CCDC126: variants seen among roughly 807,000 people sequenced by gnomAD.
CCDC126 encodes coiled-coil domain containing 126.
In CCDC126, 5 loss-of-function variants were observed where a neutral mutation model predicts 11.7. The ratio of observed to expected loss-of-function variants is 0.43; its 90% confidence interval spans 0.22 to 0.90. The LOEUF (loss-of-function observed/expected upper bound fraction) is 0.90. Ranked by LOEUF, CCDC126 falls within the 40% of genes least tolerant of loss-of-function variation. The probability of loss-of-function intolerance (pLI) is 0.27; values close to 1 mark genes in which losing one functional copy is unlikely to be tolerated. For synonymous variants in CCDC126, 60 were observed against 61.9 expected (o/e 0.97, Z 0.14); for missense variants, 150 against 163.1 (o/e 0.92, Z 0.44).
intron 2 of CCDC126, among the ~76,000 whole-genome samples, chr7:23,601,137 G>A (rs568029314): frequency 8.8e-4 from 134 of 152,052 alleles, no homozygotes; most frequent in African/African-American, 3.1e-3. Context: ...TAATCCCAGC[G>A]CTTTGGGAAG....
chr7:23,619,627 A>T (rs957549962), intron 3 of CCDC126: 1 of 194,832 alleles, frequency 5.1e-6, no homozygotes, highest in East Asian at 1.5e-4. Context: ...ACACGTGCAC[A>T]ATGTGCAGGT....
chr7:23,602,101 A>T (rs1395636775), intron 2 of CCDC126: 4 of 152,208 alleles, frequency 2.6e-5, no homozygotes, highest in East Asian at 3.8e-4. Context: ...TTACATATAC[A>T]TAGTGTGCTG....
intron 3 of CCDC126, among the ~76,000 whole-genome samples, chr7:23,638,230 T>G (rs891341096): frequency 1.1e-3 from 172 of 151,908 alleles, no homozygotes; most frequent in Admixed American, 3.7e-3. Context: ...AGCGACTCAT[T>G]GGGGATGGGC....
intron 2 of CCDC126, among the ~76,000 whole-genome samples, chr7:23,601,241 T>C (rs1782537540): frequency 6.6e-6 from 1 of 151,964 alleles, no homozygotes; most frequent in Non-Finnish European, 1.5e-5. Context: ...ATTTGTCAAG[T>C]GTAGTGGCAC....
rs1465483965 is a variant in CCDC126 at position 23,637,783 on chromosome 7, C to G, written c.239-5148C>G. On this transcript the variant is annotated intron_variant, in intron 3 of 3. Coordinates refer to ENST00000307471, the MANE Select transcript of CCDC126 (RefSeq NM_138771.4). ...GCCTCTGCCCGGCCAGCCGCCCAGTCCGGGAGGGAGGCGGGGAGGGGGGGG... is the reference window on the plus strand; with the variant it reads ...GCCTCTGCCCGGCCAGCCGCCCAGTGCGGGAGGGAGGCGGGGAGGGGGGGG... 2.1e-4 allele frequency among the ~76,000 whole-genome samples: 17 copies of G among 82,532 alleles called. 1 individual carries two copies. Among genetic ancestry groups the G allele is most frequent in the Non-Finnish European group, 2.7e-4 (10 of 37,392 alleles). 54.1% of individuals were successfully genotyped at this position (82,532 alleles called of 152,430 possible).
At chr7:23,618,277 C>G (rs560432564) in intron 3 of CCDC126, among the ~76,000 whole-genome samples, 3 of 152,286 alleles carry the variant, frequency 2.0e-5, no homozygotes, top group South Asian at 2.1e-4. Context: ...ACCCCTCCTC[C>G]CCTCCCTGGA....
intron 3 of CCDC126, among the ~76,000 whole-genome samples, chr7:23,623,908 A>C (rs948528112): frequency 1.3e-5 from 2 of 151,738 alleles, no homozygotes; most frequent in African/African-American, 2.4e-5. Flanking sequence ...AGGAATAAAA[A>C]CCCCCTGCAC....
At position 23,609,794 on chromosome 7, in the gene CCDC126, G is replaced by A. The variant is rs961240003; in HGVS notation, c.-145-1377G>A. Among the ~76,000 whole-genome samples, 8 of 152,168 alleles carry A rather than the reference G, an allele frequency of 5.3e-5. No individual in the cohort carries two copies. In the South Asian group the frequency reaches 6.2e-4, roughly 12 times the overall value. On this transcript the variant is annotated intron_variant, in intron 2 of 3. Transcript: ENST00000307471. ...AGAGGATAGCTTGAGCCTGGGAGGT[G>A]GAGGCTGCAGTGAGCTGAGATTGCA...
At chr7:23,616,131 T>C (rs1362851447) in intron 3 of CCDC126, among the ~76,000 whole-genome samples, 4 of 152,244 alleles carry the variant, frequency 2.6e-5, no homozygotes, top group Non-Finnish European at 5.9e-5. Context: ...TAAGTATCGA[T>C]TTTTGCTTCT....
chr7:23,605,597 C>G (rs567016264), intron 2 of CCDC126, among the ~76,000 whole-genome samples: 1 of 152,302 alleles, frequency 6.6e-6, no homozygotes, highest in African/African-American at 2.4e-5. Flanking sequence ...CCCATTAAAT[C>G]ATAACTTTCC....
At chr7:23,621,508 A>G (rs2062863631) in intron 3 of CCDC126, among the ~76,000 whole-genome samples, 2 of 152,200 alleles carry the variant, frequency 1.3e-5, no homozygotes, top group Non-Finnish European at 2.9e-5. Context: ...CTAGATATAC[A>G]ATCATGTCAT....
intron 3 of CCDC126, among the ~76,000 whole-genome samples, chr7:23,615,147 T>G (rs1782775443): frequency 6.6e-6 from 1 of 152,216 alleles, no homozygotes; most frequent in Admixed American, 6.5e-5. Context: ...TATAGCCACC[T>G]TCATCAATGA....
In CCDC126 at chr7:23,611,306, T is replaced by G. The variant is rs774178734; in HGVS notation, c.-10T>G. The G allele has an allele frequency of 6.4e-7, 1 of 1,554,544 alleles. No individual in the cohort carries two copies. Among genetic ancestry groups the G allele is most frequent in the Non-Finnish European group, 8.9e-7 (1 of 1,126,660 alleles). On this transcript the variant is annotated 5_prime_UTR_variant, in exon 3 of 4. Coordinates refer to ENST00000307471, the MANE Select transcript of CCDC126 (RefSeq NM_138771.4). ...TTTTCAGTCAAGTCTGTTTGTTTGC[T>G]TCTTCAGAAATGTTTTTTACAATCT... is the stretch of plus-strand genomic sequence containing the variant.
intron 3 of CCDC126, among the ~76,000 whole-genome samples, chr7:23,629,585 A>G (rs1783071948): frequency 6.6e-6 from 1 of 151,992 alleles, no homozygotes; most frequent in Middle Eastern, 3.4e-3. Flanking sequence ...AATGAAAAAG[A>G]CACCTTCAAA....
chr7:23,627,510 T>G (rs1416199148), intron 3 of CCDC126, among the ~76,000 whole-genome samples: 1 of 150,714 alleles, frequency 6.6e-6, no homozygotes, highest in Non-Finnish European at 1.5e-5. Context: ...GAGGTTACAG[T>G]GAGCTGAGAT....
chr7:23,613,512 G>A (rs560009538), intron 3 of CCDC126, among the ~76,000 whole-genome samples: 4 of 152,032 alleles, frequency 2.6e-5, no homozygotes, highest in South Asian at 2.1e-4. Context: ...GCTCCTTTCC[G>A]ATTTTTCAGT....
intron 2 of CCDC126, among the ~76,000 whole-genome samples, chr7:23,607,124 C>G (rs1483527700): frequency 1.3e-5 from 2 of 152,184 alleles, no homozygotes; most frequent in African/African-American, 4.8e-5. Context: ...AAAAACAACT[C>G]TCTAGTTGTT....
At chr7:23,636,895 G>A (rs1472518844) in intron 3 of CCDC126, among the ~76,000 whole-genome samples, 2 of 94,286 alleles carry the variant, frequency 2.1e-5, no homozygotes, top group African/African-American at 8.7e-5. Context: ...GTCCAGGAGG[G>A]AGGTGGGGGG....
chr7:23,642,842 G>A, intron 3 of CCDC126, 89 bp from the exon 4 acceptor site: 2 of 1,037,622 alleles, frequency 1.9e-6, no homozygotes, highest in South Asian at 1.5e-5. Flanking sequence ...AGATGACCCA[G>A]TAGTTGTTCA....
Sources: gnomAD v4.1 joint callset for allele counts (sites outside exome capture counted in the v4.1 genomes callset) on GRCh38, gnomAD v4.1.1 for gene constraint, MANE v1.5 for transcripts, NCBI Gene and HGNC (gene_info 2026-07-23, HGNC 2026-07-21) for gene names.